The following PLD1 variants were observed in gnomAD, a reference collection of about 807,000 sequenced individuals.
PLD1 encodes phospholipase D1, also known as choline phosphatase 1.
Under a neutral mutation model 137.1 loss-of-function variants are expected in PLD1, and 112 were observed. The ratio of observed to expected loss-of-function variants is 0.82; its 90% CI spans 0.70 to 0.96. The LOEUF (loss-of-function observed/expected upper bound fraction) is 0.96, where lower values mean the gene tolerates loss of function less well. PLD1 is among the 40% of genes least tolerant of loss of function. The pLI is 0.00. For missense variants in PLD1, 1,321 were observed against 1,342.0 expected (o/e 0.98, Z 0.24); for synonymous variants, 431 against 454.7 (o/e 0.95, Z 0.66).
chr3:171,740,807 TTA>T (rs1719724358), intron 1 of PLD1, among the ~76,000 whole-genome samples: 1 of 152,208 alleles, frequency 6.6e-6, no homozygotes, highest in African/African-American at 2.4e-5. Context: ...TTTAGCACAG[TTA>T]TGTTATTTAA....
intron 1 of PLD1, among the ~76,000 whole-genome samples, chr3:171,796,465 T>A (rs1269907554): frequency 6.6e-6 from 1 of 152,248 alleles, no homozygotes; most frequent in Admixed American, 6.5e-5. Context: ...ATTTCAGAGC[T>A]AATGATTGTC....
Position 171,659,212 on chromosome 3 carries a change from C to T in PLD1, c.2429+1G>A. On this transcript the variant is annotated splice_donor_variant, in intron 21 of 26. Transcript: ENST00000351298. LOFTEE classifies it high-confidence loss of function. Reference sequence around the variant, plus strand: ...GAGAACTCTCAGCCAAAGGCTGTTACCTGTGAGCTTTCAGGATCCTCTGGG... The same window carrying T: ...GAGAACTCTCAGCCAAAGGCTGTTATCTGTGAGCTTTCAGGATCCTCTGGG... 1 of 1,600,688 alleles carries T rather than the reference C, an allele frequency of 6.2e-7. No individual in the cohort carries two copies. The highest frequency in any genetic ancestry group is 8.6e-7 in the Non-Finnish European group (1 of 1,167,688).
intron 23 of PLD1, among the ~76,000 whole-genome samples, chr3:171,639,583 C>CTATAATATATATTAT (rs1207400800): frequency 1.5e-5 from 1 of 66,792 alleles, no homozygotes; most frequent in African/African-American, 7.2e-5. Flanking sequence ...AATATATATT[C>CTATAATATATATTAT]ATATAATATA....
intron 19 of PLD1, among the ~76,000 whole-genome samples, chr3:171,667,009 C>T (rs1252143517): frequency 1.3e-5 from 2 of 152,110 alleles, no homozygotes; most frequent in Non-Finnish European, 2.9e-5. Context: ...TGAAGGAAAA[C>T]CTTTGGATCT....
chr3:171,708,820 T>C lies in PLD1; in HGVS notation c.1080A>G (p.Gly360=). ...TTGCATTTGCCACATCTTCAAAATA[T>C]CCTTTGGCATTAACATACCTGAAAG... ...ALAKWYVNAK[G]YFEDVANAME... Residue 360 remains glycine, a synonymous_variant, in exon 11 of 27, where the codon GGA becomes GGG. Coordinates refer to ENST00000351298, the MANE Select transcript of PLD1 (RefSeq NM_002662.5). 6.3e-7 allele frequency: 1 copy of C among 1,586,530 alleles called. No homozygotes were observed. The highest frequency in any genetic ancestry group is 8.7e-7 in the Non-Finnish European group (1 of 1,154,788).
At chr3:171,613,622 T>A (rs943558171) in intron 24 of PLD1, among the ~76,000 whole-genome samples, 23 of 152,234 alleles carry the variant, frequency 1.5e-4, no homozygotes, top group African/African-American at 5.3e-4. Context: ...TGTAGCAACT[T>A]TCCTCCATTC....
intron 16 of PLD1, among the ~76,000 whole-genome samples, chr3:171,681,995 T>G (rs1004886342): frequency 8.5e-5 from 13 of 152,050 alleles, no homozygotes; most frequent in African/African-American, 3.1e-4. Flanking sequence ...AAACACTTAA[T>G]GTAGATGACA....
At chr3:171,719,825 C>T (rs1489973864) in intron 8 of PLD1, among the ~76,000 whole-genome samples, 1 of 152,158 alleles carries the variant, frequency 6.6e-6, no homozygotes, top group Non-Finnish European at 1.5e-5. Flanking sequence ...ACTCATCTCT[C>T]AGATAAGGTC....
At chr3:171,741,627 G>T (rs2108272404) in intron 1 of PLD1, among the ~76,000 whole-genome samples, 1 of 152,332 alleles carries the variant, frequency 6.6e-6, no homozygotes, top group Admixed American at 6.5e-5. Context: ...TGCCCATGGA[G>T]AGATAAGAGC....
chr3:171,649,571 T>C (rs979474254), intron 21 of PLD1, among the ~76,000 whole-genome samples: 1 of 152,192 alleles, frequency 6.6e-6, no homozygotes, highest in Non-Finnish European at 1.5e-5. Context: ...GTGGAAATGA[T>C]AGCATTCAGC....
intron 7 of PLD1, among the ~76,000 whole-genome samples, chr3:171,725,205 A>T (rs960656585): frequency 2.6e-5 from 4 of 152,092 alleles, no homozygotes; most frequent in African/African-American, 7.2e-5. Flanking sequence ...ATATAAATAT[A>T]AAAAAATGTT....
At chr3:171,745,822 T>C (rs1298931986) in intron 1 of PLD1, among the ~76,000 whole-genome samples, 1 of 152,148 alleles carries the variant, frequency 6.6e-6, no homozygotes, top group Non-Finnish European at 1.5e-5. Flanking sequence ...ACCGCTGCAC[T>C]GTGGGAGCCC....
At position 171,688,708 on chromosome 3, in the gene PLD1, C is replaced by A. The variant is rs779666048; in HGVS notation, c.1507G>T (p.Val503Phe). The stretch of plus-strand genomic sequence containing the variant: ...GAACCCAGAGACGGTCCTGAAGTGA[C>A]CCGCTTCACACTGCCCACGTCTGTG... ...RLTDVGSVKRVTSGPSLGSLP... is the reference protein window; with the variant it reads ...RLTDVGSVKRFTSGPSLGSLP... The change falls in exon 14 of 27, where the codon GTC (valine) becomes TTC (phenylalanine). Residue 503 changes from valine (V) to phenylalanine (F), a missense_variant. By Grantham distance (50) the Val-to-Phe change is conservative. Transcript: ENST00000351298. 1.2e-6 allele frequency: 2 copies of A among 1,614,102 alleles called. No individual in the cohort carries two copies. Among genetic ancestry groups the A allele is most frequent in the Admixed American group, 1.7e-5 (1 of 60,024 alleles).
chr3:171,702,359 A>G (rs926552513), intron 11 of PLD1, among the ~76,000 whole-genome samples: 5 of 152,016 alleles, frequency 3.3e-5, no homozygotes, highest in African/African-American at 7.2e-5. Flanking sequence ...ATGGTGGCTC[A>G]TGTCTGTAGT....
In PLD1 at chr3:171,686,728, G is replaced by T. The variant is rs769772691; in HGVS notation, c.1824C>A (p.His608Gln). ...HGLKPHFKLFHPSSESEQGLT... is the reference protein window; with the variant it reads ...HGLKPHFKLFQPSSESEQGLT... The stretch of plus-strand genomic sequence containing the variant: ...GTCCTTGCTCAGACTCACTGGACGG[G>T]TGAAAGAGTTTGAAGTGGGGTTTTA... The change falls in exon 16 of 27, where the codon CAC becomes CAA. Residue 608 changes from histidine to glutamine, a missense_variant. Coordinates refer to ENST00000351298, the MANE Select transcript of PLD1 (RefSeq NM_002662.5). 7 of 1,609,618 alleles carry T rather than the reference G, an allele frequency of 4.3e-6. No individual in the cohort carries two copies. The highest frequency in any genetic ancestry group is 6.0e-6 in the Non-Finnish European group (7 of 1,176,108).
In PLD1 at chr3:171,645,018, T is replaced by C. The variant is rs950983155; in HGVS notation, c.2435A>G (p.Asn812Ser). Residue 812 changes from asparagine (N) to serine (S), a missense_variant, in exon 22 of 27, where the codon AAC (asparagine) becomes AGC (serine). Coordinates refer to ENST00000351298, the MANE Select transcript of PLD1 (RefSeq NM_002662.5). ...AQRILKAHRENQKYRVYVVIP... is the reference protein window; with the variant it reads ...AQRILKAHRESQKYRVYVVIP... ...CACGACATATACCCGGTATTTCTGG[T>C]TTTCCCTGCAAAGGTCAGATGCAGA... The C allele has an allele frequency of 1.9e-6, 3 of 1,607,156 alleles. No homozygotes were observed. In the African/African-American group the frequency reaches 4.0e-5, roughly 21 times the overall value.
intron 1 of PLD1, among the ~76,000 whole-genome samples, chr3:171,775,056 G>T (rs1722543025): frequency 6.6e-6 from 1 of 152,132 alleles, no homozygotes; most frequent in African/African-American, 2.4e-5. Context: ...AGAAGAAAGA[G>T]TGAAATTTAA....
chr3:171,731,551 G>A (rs1718948474), intron 6 of PLD1, among the ~76,000 whole-genome samples: 1 of 152,162 alleles, frequency 6.6e-6, no homozygotes, highest in African/African-American at 2.4e-5. Flanking sequence ...GGAGGCAGAG[G>A]CGGGCGGATC....
intron 16 of PLD1, among the ~76,000 whole-genome samples, chr3:171,682,969 T>C (rs187447932): frequency 6.6e-5 from 10 of 152,312 alleles, no homozygotes. Flanking sequence ...ACCAACAATG[T>C]GGGAAAAAAA....
Sources: gnomAD v4.1 joint callset for allele counts (sites outside exome capture counted in the v4.1 genomes callset) on GRCh38, gnomAD v4.1.1 for gene constraint, MANE v1.5 for transcripts, NCBI Gene and HGNC (gene_info 2026-07-23, HGNC 2026-07-21) for gene names.